The following NUDT12 variants were observed in gnomAD, a reference collection of about 807,000 sequenced individuals.
NUDT12 encodes the protein nudix hydrolase 12.
Under a neutral mutation model 45.7 loss-of-function variants are expected in NUDT12, and 42 were observed. That is an observed-to-expected ratio of 0.92 (90% confidence interval 0.72 to 1.19). NUDT12 has a LOEUF of 1.19. Among genes scored for constraint, NUDT12 ranks in the 50% most tolerant of loss-of-function variants. NUDT12 has a pLI of 0.00. For missense variants in NUDT12, 590 were observed against 533.1 expected, an observed-to-expected ratio of 1.11 and a Z score of -1.05; for synonymous variants, 206 against 179.7, an observed-to-expected ratio of 1.15 and a Z score of -1.17.
rs1435332670 is a variant in NUDT12, at chr5:103,550,842, C to CAA, written c.*17_*18dup. 3.3e-6 allele frequency: 5 copies of CAA among 1,510,654 alleles called. No individual in the cohort carries two copies. The highest frequency in any genetic ancestry group is 4.6e-6 in the Non-Finnish European group (5 of 1,086,594). The allele number at this position is 1,510,654 out of a possible 1,614,324, so 93.6% of individuals were successfully genotyped here. A position where few individuals can be genotyped will look rare whatever the true frequency, so the allele number is the denominator to read the frequency against. On this transcript the variant is annotated 3_prime_UTR_variant, in exon 7 of 7. Coordinates refer to ENST00000230792, the MANE Select transcript of NUDT12 (RefSeq NM_031438.4). ...TTATTAGAAATTATTAAATAATACT[C>CAA]AAAGCTTAGTTCTTAGATTTAGAGA... is the stretch of plus-strand genomic sequence containing the variant.
intron 4 of NUDT12, 39 bp downstream of exon 4, chr5:103,555,892 C>G: frequency 7.1e-7 from 1 of 1,400,744 alleles, no homozygotes; most frequent in Middle Eastern, 1.9e-4. Flanking sequence ...TCTTATTCCC[C>G]AAGATCCAGG....
At chr5:103,555,473 C>A (rs1051750356) in intron 4 of NUDT12, among the ~76,000 whole-genome samples, 1 of 152,006 alleles carries the variant, frequency 6.6e-6, no homozygotes, top group Admixed American at 6.6e-5. Flanking sequence ...CTGAGCCTAT[C>A]TATTCTTCTT....
chr5:103,557,527 C>T (rs72782536), intron 3 of NUDT12, among the ~76,000 whole-genome samples: 13,661 of 151,606 alleles, frequency 0.09, 700 homozygotes, highest in Non-Finnish European at 0.11. Context: ...ACTCCACTGA[C>T]GTTTCTCTTG....
chr5:103,552,109 G>A (rs958975389), intron 6 of NUDT12, 108 bp downstream of exon 6: 30 of 794,280 alleles, frequency 3.8e-5, no homozygotes, highest in Non-Finnish European at 6.0e-5. Flanking sequence ...ATAATGAGAG[G>A]GCCAAAGGCA....
intron 4 of NUDT12, 79 bp downstream of exon 4, chr5:103,555,852 G>A (rs2112450734): frequency 1.9e-6 from 2 of 1,041,340 alleles, no homozygotes; most frequent in East Asian, 2.6e-5. Flanking sequence ...AAACTCTTTA[G>A]CTCCTCACAA....
intron 6 of NUDT12, among the ~76,000 whole-genome samples, chr5:103,551,537 G>A (rs899066002): frequency 1.3e-5 from 2 of 152,086 alleles, no homozygotes; most frequent in East Asian, 1.9e-4. Flanking sequence ...CAAAATGTAC[G>A]CTCCACACTT....
chr5:103,552,531 CA>C lies in NUDT12; in HGVS notation c.1079-116del, dbSNP rs1267638950. On this transcript the variant is annotated intron_variant, in intron 5 of 6. Coordinates refer to ENST00000230792, the MANE Select transcript of NUDT12 (RefSeq NM_031438.4). ...TGGACAGAAACCCAATGCAAATAAT[CA>C]GAAAGCAGAAGCCTAAAACTAGACT... The C allele has an allele frequency of 4.1e-5, 30 of 729,594 alleles. No homozygotes were observed. In the African/African-American group the frequency reaches 4.9e-4, roughly 12 times the overall value. 45.2% of individuals were successfully genotyped at this position (729,594 alleles called of 1,614,324 possible). A position where few individuals can be genotyped will look rare whatever the true frequency, so the allele number is the denominator to read the frequency against.
At chr5:103,551,570 T>C (rs1431812073) in intron 6 of NUDT12, among the ~76,000 whole-genome samples, 2 of 152,194 alleles carry the variant, frequency 1.3e-5, no homozygotes, top group African/African-American at 4.8e-5. Context: ...AAGCCAACTT[T>C]TGAAACAGAT....
Position 103,558,995 on chromosome 5 carries a change from C to A in NUDT12, c.680G>T (p.Trp227Leu). Residue 227 changes from tryptophan to leucine, a missense_variant, in exon 3 of 7, where the codon TGG becomes TTG. Trp to Leu is a moderately conservative substitution (Grantham distance 61). Coordinates refer to ENST00000230792, the MANE Select transcript of NUDT12 (RefSeq NM_031438.4). ...AATAGGATCTATACCTAGAGCAAAC[C>A]AGGCAACCAATCCATCTTCCTCCTC... ...PREEEDGLVA[W>L]FALGIDPIAA... is the part of the protein sequence containing the mutation. 6.2e-7 allele frequency: 1 copy of A among 1,613,788 alleles called. No homozygotes were observed. Among genetic ancestry groups the A allele is most frequent in the Non-Finnish European group, 8.5e-7 (1 of 1,179,750 alleles).
chr5:103,557,617 T>G (rs2112453549), intron 3 of NUDT12, among the ~76,000 whole-genome samples: 1 of 152,054 alleles, frequency 6.6e-6, no homozygotes, highest in East Asian at 1.9e-4. Flanking sequence ...CCACTTTGCC[T>G]TCATCTTACT....
At chr5:103,558,604 G>C (rs542477451) in intron 3 of NUDT12, among the ~76,000 whole-genome samples, 1 of 152,078 alleles carries the variant, frequency 6.6e-6, no homozygotes, top group South Asian at 2.1e-4. Flanking sequence ...CATGTTCTAC[G>C]TGTAGCAGGA....
At chr5:103,558,099 T>C (rs1748888124) in intron 3 of NUDT12, among the ~76,000 whole-genome samples, 1 of 152,074 alleles carries the variant, frequency 6.6e-6, no homozygotes. Context: ...TCCTTCATTA[T>C]TATATATCCC....
At chr5:103,555,657 T>C (rs1748790732) in intron 4 of NUDT12, among the ~76,000 whole-genome samples, 1 of 151,988 alleles carries the variant, frequency 6.6e-6, no homozygotes, top group Non-Finnish European at 1.5e-5. Context: ...TGGGGCTTTT[T>C]CTCCACTAAG....
At chr5:103,561,630 C>A (rs1004207178) in intron 1 of NUDT12, among the ~76,000 whole-genome samples, 2 of 152,214 alleles carry the variant, frequency 1.3e-5, no homozygotes, top group Admixed American at 6.5e-5. Flanking sequence ...TACAAATTTT[C>A]AGGACTTTAT....
rs773689458 is a variant in NUDT12, at chr5:103,552,393, T to C, written c.1102A>G (p.Arg368Gly). The C allele has an allele frequency of 1.9e-6, 3 of 1,613,804 alleles. No individual in the cohort carries two copies. Among genetic ancestry groups the C allele is most frequent in the Non-Finnish European group, 2.5e-6 (3 of 1,179,824 alleles). ...CCACTTTCCTCTTCTACTTCTCTCC[T>C]AACAGCATCTTCTATTGTCTCTCCT... ...EPGETIEDAV[R>G]REVEEESGVK... is the part of the protein sequence containing the mutation. Residue 368 changes from arginine (R) to glycine (G), a missense_variant, in exon 6 of 7, where the codon AGG becomes GGG. Coordinates refer to ENST00000230792, the MANE Select transcript of NUDT12 (RefSeq NM_031438.4).
chr5:103,559,784 C>G (rs1748972949), intron 2 of NUDT12: 3 of 514,708 alleles, frequency 5.8e-6, no homozygotes, highest in Non-Finnish European at 1.0e-5. Flanking sequence ...ATAGTGAGAT[C>G]TGCATTTTCT....
At position 103,560,102 on chromosome 5, in the gene NUDT12, A is replaced by G; in HGVS notation, c.147T>C (p.Ala49=). ...LNETSENGWT[A]LMYAARNGHP... Reference sequence around the variant, plus strand: ...GCCCATTCCTTGCCGCATACATTAAAGCAGTCCAGCCATTTTCAGAAGTTT... The same window carrying G: ...GCCCATTCCTTGCCGCATACATTAAGGCAGTCCAGCCATTTTCAGAAGTTT... Residue 49 remains alanine, a synonymous_variant, in exon 2 of 7, where the codon GCT becomes GCC. Transcript: ENST00000230792. 1 of 1,614,058 alleles carries G rather than the reference A, an allele frequency of 6.2e-7. No individual in the cohort carries two copies. The highest frequency in any genetic ancestry group is 8.5e-7 in the Non-Finnish European group (1 of 1,179,916).
rs551815216 is a variant in NUDT12, at chr5:103,554,622, C to T, written c.1078+118G>A. 12 of 386,990 alleles carry T rather than the reference C, an allele frequency of 3.1e-5. No individual in the cohort carries two copies. In the South Asian group the frequency reaches 1.3e-3, roughly 42 times the overall value. The allele number at this position is 386,990 out of a possible 1,614,324, so 24.0% of individuals were successfully genotyped here. ...TTAAAATTGTATCATTTTTAAAATA[C>T]CTTAAAATAACCGAGTTTTATAACA... On this transcript the variant is annotated intron_variant, in intron 5 of 6. Coordinates refer to ENST00000230792, the MANE Select transcript of NUDT12 (RefSeq NM_031438.4).
At position 103,550,804 on chromosome 5, in the gene NUDT12, T is replaced by C; in HGVS notation, c.*57A>G. 1 of 1,191,984 alleles carries C rather than the reference T, an allele frequency of 8.4e-7. No individual in the cohort carries two copies. The highest frequency in any genetic ancestry group is 1.2e-6 in the Non-Finnish European group (1 of 801,486). The allele number at this position is 1,191,984 out of a possible 1,614,324, so 73.8% of individuals were successfully genotyped here. ...GTACTGAATAATCTCTAATATCACT[T>C]GAGGAATGAGTGTTATTAGAAATTA... On this transcript the variant is annotated 3_prime_UTR_variant, in exon 7 of 7. Transcript: ENST00000230792.
Sources: gnomAD v4.1 joint callset for allele counts (sites outside exome capture counted in the v4.1 genomes callset) on GRCh38, gnomAD v4.1.1 for gene constraint, MANE v1.5 for transcripts, NCBI Gene and HGNC (gene_info 2026-07-23, HGNC 2026-07-21) for gene names.